FBXO38: variants seen among roughly 807,000 people sequenced by gnomAD.
The protein encoded by FBXO38 is F-box only protein 38.
A neutral mutation model predicts 131.9 loss-of-function variants in FBXO38; 53 were observed. The observed-to-expected ratio is 0.40, with a 90% CI of 0.32 to 0.51. The LOEUF (loss-of-function observed/expected upper bound fraction) is 0.51, where lower values mean the gene tolerates loss of function less well. Ranked by LOEUF, FBXO38 falls within the 20% of genes least tolerant of loss-of-function variation. The pLI is 0.53. For missense variants in FBXO38, 1,076 were observed against 1,475.6 expected (o/e 0.73, Z 4.44); for synonymous variants, 452 against 505.6 (o/e 0.89, Z 1.42).
chr5:148,430,341 T>TA (rs1262822903), intron 15 of FBXO38: 8 of 150,484 alleles, frequency 5.3e-5, no homozygotes, highest in Admixed American at 4.6e-4. Flanking sequence ...TTTTTTTTAT[T>TA]TTTTTTTGAG....
chr5:148,395,032 T>C (rs940698432), intron 2 of FBXO38, 128 bp downstream of exon 2: 2 of 1,030,026 alleles, frequency 1.9e-6, no homozygotes, highest in Non-Finnish European at 2.7e-6. Context: ...AAATGTAAAA[T>C]TTAGTTCGTC....
rs756876029 is a variant in FBXO38 at position 148,427,493 on chromosome 5, C to T, written c.2199C>T (p.Ser733=). Residue 733 remains serine, a synonymous_variant, in exon 15 of 22, where the codon AGC becomes AGT. Transcript: ENST00000340253. ...QSPDFVRTVN[S]GGSSEPSPTE... ...CCGACTTTGTAAGGACGGTGAACAG[C>T]GGCGGCTCTTCCGAGCCTAGCCCTA... 40 of 1,614,092 alleles carry T rather than the reference C, an allele frequency of 2.5e-5. No homozygotes were observed. In the Admixed American group the frequency reaches 3.3e-4, roughly 13 times the overall value.
intron 5 of FBXO38, among the ~76,000 whole-genome samples, 155 bp from the exon 6 acceptor site, chr5:148,404,530 A>C (rs1752331218): frequency 6.6e-6 from 1 of 152,244 alleles, no homozygotes; most frequent in Non-Finnish European, 1.5e-5. Flanking sequence ...GTTTTAAATA[A>C]GGCAAACTTG....
chr5:148,428,349 G>C (rs1213459912), intron 15 of FBXO38, among the ~76,000 whole-genome samples: 4 of 152,324 alleles, frequency 2.6e-5, no homozygotes, highest in African/African-American at 9.6e-5. Context: ...ACACATCTCA[G>C]TGCAGCTTCC....
Position 148,385,850 on chromosome 5 carries a change from A to C in FBXO38, c.-64+1811A>C, listed in dbSNP as rs1342372838. Among the ~76,000 whole-genome samples, 3 of 152,208 alleles carry C rather than the reference A, an allele frequency of 2.0e-5. No individual in the cohort carries two copies. The East Asian group carries it at 5.8e-4, about 29-fold the overall frequency. On this transcript the variant is annotated intron_variant, in intron 1 of 21. Transcript: ENST00000340253. ...GGCATGAGAAACTTGAAGGGCAGGG[A>C]AGCCCTTGACCAGATAGGATCATTG...
chr5:148,401,709 A>C (rs1752160453), intron 3 of FBXO38, among the ~76,000 whole-genome samples: 2 of 152,180 alleles, frequency 1.3e-5, no homozygotes, highest in Admixed American at 1.3e-4. Context: ...TTCTTTGTTG[A>C]AGATTTCTAT....
At chr5:148,398,526 AG>A (rs1302536618) in intron 2 of FBXO38, among the ~76,000 whole-genome samples, 2 of 152,038 alleles carry the variant, frequency 1.3e-5, no homozygotes, top group African/African-American at 4.8e-5. Flanking sequence ...TAGAGTTTGC[AG>A]GAGCAGGATG....
At chr5:148,441,943 C>A in intron 21 of FBXO38, 26 bp from the exon 22 acceptor site, 1 of 1,590,960 alleles carries the variant, frequency 6.3e-7, no homozygotes, top group South Asian at 1.1e-5. Context: ...TCATATGTAT[C>A]TCTCCTTTTA....
intron 9 of FBXO38, among the ~76,000 whole-genome samples, chr5:148,412,126 C>T (rs1752795836): frequency 6.6e-6 from 1 of 152,126 alleles, no homozygotes; most frequent in Admixed American, 6.5e-5. Flanking sequence ...ACCATTATCT[C>T]GTAGTTTTCA....
At chr5:148,390,486 C>T (rs894849835) in intron 1 of FBXO38, among the ~76,000 whole-genome samples, 2 of 152,164 alleles carry the variant, frequency 1.3e-5, no homozygotes, top group African/African-American at 4.8e-5. Context: ...AACTAAAAGA[C>T]CCAAGTCTTC....
At chr5:148,406,480 C>T (rs974189957) in intron 7 of FBXO38, 86 bp downstream of exon 7, 8 of 1,145,814 alleles carry the variant, frequency 7.0e-6, no homozygotes, top group Non-Finnish European at 8.3e-6. Context: ...CCTGGCAAGT[C>T]TTTAAAAAGA....
At chr5:148,416,217 A>G in intron 11 of FBXO38, 147 bp downstream of exon 11, 1 of 690,552 alleles carries the variant, frequency 1.4e-6, no homozygotes. Context: ...TGAAGGCATA[A>G]AGGTTGTAAT....
At chr5:148,412,212 G>T (rs1752799212) in intron 9 of FBXO38, among the ~76,000 whole-genome samples, 1 of 151,878 alleles carries the variant, frequency 6.6e-6, no homozygotes, top group African/African-American at 2.4e-5. Context: ...TTTCTTATTT[G>T]CCACAGTTTA....
At chr5:148,438,616 A>G in intron 18 of FBXO38, 118 bp downstream of exon 18, 1 of 1,069,846 alleles carries the variant, frequency 9.3e-7, no homozygotes, top group South Asian at 1.6e-5. Flanking sequence ...ACCTACAGTA[A>G]TGATATTTTA....
rs759036877 is a variant in FBXO38, at chr5:148,427,801, G to T, written c.2507G>T (p.Gly836Val). Residue 836 changes from glycine (G) to valine (V), a missense_variant, in exon 15 of 22, where the codon GGG becomes GTG. Physicochemically the swap from Gly to Val is moderately radical, Grantham distance 109. Around this residue, in one of 8 missense-constraint regions of FBXO38, gnomAD observed 213 missense variants for 225.2 expected, o/e 0.95. Transcript: ENST00000340253. Reference sequence around the variant, plus strand: ...CCAGCACATGATGAGAGGACTAATGGGAGTGGCTCTGGGGCTACAGGTGAG... The same window carrying T: ...CCAGCACATGATGAGAGGACTAATGTGAGTGGCTCTGGGGCTACAGGTGAG... ...SGPAHDERTN[G>V]SGSGATGEDR... The T allele has an allele frequency of 5.1e-6, 8 of 1,561,246 alleles. No individual in the cohort carries two copies. Among genetic ancestry groups the T allele is most frequent in the Non-Finnish European group, 5.3e-6 (6 of 1,135,028 alleles).
intron 15 of FBXO38, among the ~76,000 whole-genome samples, 177 bp downstream of exon 15, chr5:148,428,124 A>G (rs1416312302): frequency 6.6e-6 from 1 of 152,184 alleles, no homozygotes; most frequent in Admixed American, 6.5e-5. Flanking sequence ...TGGGTGTGTA[A>G]AACAGTTTAT....
chr5:148,431,888 T>G (rs541625446), intron 15 of FBXO38, among the ~76,000 whole-genome samples: 1 of 152,304 alleles, frequency 6.6e-6, no homozygotes, highest in African/African-American at 2.4e-5. Flanking sequence ...GCTCCTTTTC[T>G]GCCTTCAGCC....
At chr5:148,428,055 ATT>A in intron 15 of FBXO38, 108 bp downstream of exon 15, 1 of 1,283,320 alleles carries the variant, frequency 7.8e-7, no homozygotes, top group Non-Finnish European at 1.0e-6. Flanking sequence ...ATTAAATTCT[ATT>A]TTGGGGTTTT....
In FBXO38 at chr5:148,394,880, A is replaced by C; in HGVS notation, c.104A>C (p.His35Pro). The change falls in exon 2 of 22, where the codon CAT becomes CCT. Residue 35 changes from histidine to proline, a missense_variant. By Grantham distance (77) the His-to-Pro change is moderately conservative (BLOSUM62 -2). Transcript: ENST00000340253. Reference sequence around the variant, plus strand: ...AAGGACTATATGAATCAACTTTCACATGAAGTACTTTGCCATATTTTTAGG... The same window carrying C: ...AAGGACTATATGAATCAACTTTCACCTGAAGTACTTTGCCATATTTTTAGG... Reference protein sequence around the residue: ...ETKDYMNQLSHEVLCHIFRYL... With the variant: ...ETKDYMNQLSPEVLCHIFRYL... 1 of 1,594,538 alleles carries C rather than the reference A, an allele frequency of 6.3e-7. No individual in the cohort carries two copies. Among genetic ancestry groups the C allele is most frequent in the Non-Finnish European group, 8.5e-7 (1 of 1,171,430 alleles).
Sources: gnomAD v4.1 joint callset for allele counts (sites outside exome capture counted in the v4.1 genomes callset) on GRCh38, gnomAD v4.1.1 for gene constraint, gnomAD v4.1.1 regional missense constraint, MANE v1.5 for transcripts, NCBI Gene and HGNC (gene_info 2026-07-23, HGNC 2026-07-21) for gene names.